The following SGMS1 variants were observed in gnomAD, a reference collection of about 807,000 sequenced individuals.
SGMS1 encodes the protein phosphatidylcholine:ceramide cholinephosphotransferase 1.
Under a neutral mutation model 46.2 loss-of-function variants are expected in SGMS1, and 13 were observed. The observed-to-expected ratio is 0.28, with a 90% CI of 0.18 to 0.45. The LOEUF (loss-of-function observed/expected upper bound fraction) is 0.45, where lower values mean the gene tolerates loss of function less well. SGMS1 is among the 20% of genes least tolerant of loss of function. The pLI, the probability that SGMS1 is intolerant of heterozygous loss-of-function variation, is 1.00. For missense variants in SGMS1, 324 were observed against 519.9 expected (o/e 0.62, Z 3.66); for synonymous variants, 203 against 187.8 (o/e 1.08, Z -0.66).
intron 6 of SGMS1, among the ~76,000 whole-genome samples, chr10:50,404,805 A>C (rs1350646861): frequency 6.6e-6 from 1 of 152,210 alleles, no homozygotes; most frequent in Non-Finnish European, 1.5e-5. Flanking sequence ...CCCAATGGCA[A>C]CTATTAAAAC....
chr10:50,369,786 C>T (rs1323507941), intron 6 of SGMS1, among the ~76,000 whole-genome samples: 1 of 152,172 alleles, frequency 6.6e-6, no homozygotes, highest in African/African-American at 2.4e-5. Flanking sequence ...AGTCATGTGT[C>T]ACTTCACGAC....
At chr10:50,444,640 C>T (rs191120066) in intron 5 of SGMS1, among the ~76,000 whole-genome samples, 76 of 152,034 alleles carry the variant, frequency 5.0e-4, no homozygotes, top group African/African-American at 1.6e-3. Flanking sequence ...CCTGTAATCA[C>T]AACTACTCAA....
chr10:50,602,454 A>T (rs903305686), intron 1 of SGMS1, among the ~76,000 whole-genome samples: 2 of 152,178 alleles, frequency 1.3e-5, no homozygotes, highest in Non-Finnish European at 2.9e-5. Flanking sequence ...CAAGCATGAT[A>T]CTTCTCCCTG....
At chr10:50,619,287 G>A (rs1289120282) in intron 1 of SGMS1, among the ~76,000 whole-genome samples, 4 of 152,080 alleles carry the variant, frequency 2.6e-5, no homozygotes, top group Admixed American at 6.6e-5. Flanking sequence ...TCAAGGCAAC[G>A]CACTAGATAA....
chr10:50,355,471 C>T (rs1448934140), intron 6 of SGMS1, among the ~76,000 whole-genome samples: 3 of 152,218 alleles, frequency 2.0e-5, no homozygotes, highest in South Asian at 2.1e-4. Context: ...GACAGGGTTT[C>T]GCCGTGTTGG....
At chr10:50,389,891 A>G (rs955790361) in intron 6 of SGMS1, among the ~76,000 whole-genome samples, 7 of 152,358 alleles carry the variant, frequency 4.6e-5, no homozygotes, top group South Asian at 2.1e-4. Context: ...CGTTTAGTGT[A>G]CTAATTGAAG....
chr10:50,527,929 G>A (rs1394853362), intron 2 of SGMS1, among the ~76,000 whole-genome samples: 1 of 152,114 alleles, frequency 6.6e-6, no homozygotes, highest in Non-Finnish European at 1.5e-5. Context: ...TAAATTACTT[G>A]ACCTCTCTCT....
chr10:50,624,492 C>A (rs1838895629), upstream of SGMS1: 1 of 686,944 alleles, frequency 1.5e-6, no homozygotes, highest in South Asian at 6.5e-5. Flanking sequence ...TCTCCCACAA[C>A]AGAAAAAAAA....
chr10:50,374,310 G>A (rs1394205589), intron 6 of SGMS1, among the ~76,000 whole-genome samples: 1 of 152,044 alleles, frequency 6.6e-6, no homozygotes, highest in East Asian at 1.9e-4. Flanking sequence ...TCTCCTCCAA[G>A]CCAACTCCTC....
intron 8 of SGMS1, among the ~76,000 whole-genome samples, chr10:50,321,182 T>C (rs548013159): frequency 6.6e-6 from 1 of 152,290 alleles, no homozygotes; most frequent in African/African-American, 2.4e-5. Flanking sequence ...TATACAATAA[T>C]GTAAAAATTC....
chr10:50,372,355 C>A (rs1204142147), intron 6 of SGMS1, among the ~76,000 whole-genome samples: 1 of 152,106 alleles, frequency 6.6e-6, no homozygotes, highest in African/African-American at 2.4e-5. Flanking sequence ...CTGGAGATTT[C>A]ATCAAAGAAA....
At chr10:50,624,865 C>G (rs12763330), upstream of SGMS1, 1 of 994,892 alleles carries the variant, frequency 1.0e-6, no homozygotes, top group Non-Finnish European at 1.2e-6. Flanking sequence ...GTGCCTCCCG[C>G]GGGGTCGGGG....
intron 2 of SGMS1, among the ~76,000 whole-genome samples, chr10:50,543,108 A>G (rs992088072): frequency 6.6e-6 from 1 of 152,234 alleles, no homozygotes; most frequent in African/African-American, 2.4e-5. Context: ...ACTGTCTTGG[A>G]GACCAAGTGT....
chr10:50,567,007 C>T (rs1838294371), intron 2 of SGMS1, among the ~76,000 whole-genome samples: 3 of 151,996 alleles, frequency 2.0e-5, no homozygotes, highest in South Asian at 4.2e-4. Context: ...AGGGCAGTGG[C>T]GCGATCTTGG....
chr10:50,550,927 A>C (rs1277286129), intron 2 of SGMS1, among the ~76,000 whole-genome samples: 1 of 152,230 alleles, frequency 6.6e-6, no homozygotes, highest in East Asian at 1.9e-4. Context: ...AATATCCATG[A>C]ATCCATACTA....
intron 6 of SGMS1, among the ~76,000 whole-genome samples, chr10:50,354,591 A>G (rs1056126694): frequency 3.3e-5 from 5 of 152,160 alleles, no homozygotes; most frequent in Non-Finnish European, 5.9e-5. Flanking sequence ...ATTGACAAAT[A>G]GGATCTAATT....
chr10:50,448,688 G>A (rs1454743889), intron 5 of SGMS1, among the ~76,000 whole-genome samples: 1 of 144,440 alleles, frequency 6.9e-6, no homozygotes, highest in South Asian at 2.3e-4. Flanking sequence ...AGGTTGTGGT[G>A]AGCCAACATG....
intron 6 of SGMS1, among the ~76,000 whole-genome samples, chr10:50,405,327 T>C (rs1174301723): frequency 6.7e-6 from 1 of 150,316 alleles, no homozygotes; most frequent in Non-Finnish European, 1.5e-5. Flanking sequence ...TTCAGGAGAG[T>C]TCTGAGGAAG....
chr10:50,455,346 A>G (rs1434544505), intron 5 of SGMS1, among the ~76,000 whole-genome samples: 1 of 152,208 alleles, frequency 6.6e-6, no homozygotes, highest in Non-Finnish European at 1.5e-5. Flanking sequence ...TGGAGAAAGC[A>G]AGAATTTTCT....
Sources: allele counts gnomAD v4.1 joint callset (sites outside exome capture counted in the v4.1 genomes callset), GRCh38; gene constraint gnomAD v4.1.1; transcripts MANE v1.5; gene names NCBI Gene and HGNC (gene_info 2026-07-23, HGNC 2026-07-21).